PARVA: variants seen among roughly 807,000 people sequenced by gnomAD.
PARVA encodes parvin alpha, also known as alpha-parvin.
Under a neutral mutation model 52.6 loss-of-function variants are expected in PARVA, and 25 were observed. The observed-to-expected ratio is 0.48, with a 90% CI of 0.35 to 0.66. The LOEUF (loss-of-function observed/expected upper bound fraction) is 0.66, where lower values mean the gene tolerates loss of function less well. PARVA is among the 30% of genes least tolerant of loss of function. PARVA has a pLI of 0.01. For missense variants in PARVA, 373 were observed against 450.9 expected (o/e 0.83, Z 1.56); for synonymous variants, 185 against 179.1 (o/e 1.03, Z -0.26).
chr11:12,506,267 A>T (rs1484734351), intron 6 of PARVA, among the ~76,000 whole-genome samples: 1 of 152,182 alleles, frequency 6.6e-6, no homozygotes, highest in African/African-American at 2.4e-5. Context: ...ATTTTTAAAA[A>T]TTATTTTCAT....
chr11:12,377,474 G>A (rs1389071395), upstream of PARVA: 1 of 1,399,278 alleles, frequency 7.1e-7, no homozygotes, highest in Admixed American at 3.4e-5. Flanking sequence ...CGGCGCGAGG[G>A]AGGGAGCGAG....
intron 3 of PARVA, among the ~76,000 whole-genome samples, chr11:12,475,855 C>G (rs981598202): frequency 6.6e-6 from 1 of 152,196 alleles, no homozygotes; most frequent in Non-Finnish European, 1.5e-5. Context: ...GCAGTCTGTG[C>G]TGCATCCATA....
chr11:12,447,383 C>T (rs1940562059), intron 1 of PARVA, among the ~76,000 whole-genome samples: 1 of 152,180 alleles, frequency 6.6e-6, no homozygotes, highest in African/African-American at 2.4e-5. Flanking sequence ...TGGTGTGTAA[C>T]TCACCATGGG....
intron 6 of PARVA, among the ~76,000 whole-genome samples, chr11:12,506,424 T>G (rs1941431990): frequency 6.6e-6 from 1 of 152,196 alleles, no homozygotes; most frequent in East Asian, 1.9e-4. Context: ...TTGAACATCT[T>G]AAGACTTTTC....
chr11:12,404,614 A>G (rs1355887375), intron 1 of PARVA, among the ~76,000 whole-genome samples: 1 of 152,242 alleles, frequency 6.6e-6, no homozygotes, highest in Non-Finnish European at 1.5e-5. Flanking sequence ...CCATGTGCCA[A>G]TAATTAGATG....
At chr11:12,486,593 C>A (rs1941161826) in intron 4 of PARVA, among the ~76,000 whole-genome samples, 1 of 152,052 alleles carries the variant, frequency 6.6e-6, no homozygotes, top group South Asian at 2.1e-4. Context: ...TGCCTGTAAT[C>A]CCAGCACTTT....
At position 12,384,189 on chromosome 11, in the gene PARVA, C is replaced by T. The variant is rs79365616; in HGVS notation, c.136+6406C>T. Among the ~76,000 whole-genome samples, 641 of 152,250 alleles carry T rather than the reference C, an allele frequency of 4.2e-3. 2 individuals are homozygous for T. Among genetic ancestry groups the T allele is most frequent in the African/African-American group, 0.014 (585 of 41,554 alleles). On this transcript the variant is annotated intron_variant, in intron 1 of 12. Transcript: ENST00000334956. ...TTTTTTTGCCACTCTGTCGCCCTGA[C>T]GTTCTGTAAATATGCTTGAGTCTTT...
At chr11:12,481,166 G>GA (rs1219689271) in intron 4 of PARVA, among the ~76,000 whole-genome samples, 2 of 152,114 alleles carry the variant, frequency 1.3e-5, no homozygotes, top group Non-Finnish European at 2.9e-5. Flanking sequence ...CATCCATTTA[G>GA]AATGCATCTG....
intron 4 of PARVA, among the ~76,000 whole-genome samples, chr11:12,487,744 A>G (rs932044572): frequency 6.6e-6 from 1 of 152,242 alleles, no homozygotes; most frequent in African/African-American, 2.4e-5. Context: ...ATTATTCTTT[A>G]TAAATAATAG....
At chr11:12,453,423 T>C (rs939133513) in intron 1 of PARVA, among the ~76,000 whole-genome samples, 1 of 152,132 alleles carries the variant, frequency 6.6e-6, no homozygotes, top group Non-Finnish European at 1.5e-5. Flanking sequence ...AGCCTGCTAC[T>C]TGCTTTTCCT....
intron 4 of PARVA, among the ~76,000 whole-genome samples, chr11:12,484,549 G>A (rs1941133166): frequency 7.7e-6 from 1 of 130,312 alleles, no homozygotes; most frequent in African/African-American, 2.7e-5. Context: ...GTGTGTGTGT[G>A]GTTTTCTTTT....
intron 12 of PARVA, among the ~76,000 whole-genome samples, chr11:12,520,529 T>C (rs1941623297): frequency 6.6e-6 from 1 of 152,234 alleles, no homozygotes; most frequent in South Asian, 2.1e-4. Flanking sequence ...CAAAGCTCTG[T>C]TGTGCCTTGA....
At chr11:12,431,463 C>A (rs375952752) in intron 1 of PARVA, among the ~76,000 whole-genome samples, 50 of 152,282 alleles carry the variant, frequency 3.3e-4, no homozygotes, top group South Asian at 1.5e-3. Flanking sequence ...AAGAACTTAG[C>A]AGCTTAGAAT....
chr11:12,408,516 C>G (rs1420474364), intron 1 of PARVA, among the ~76,000 whole-genome samples: 1 of 152,144 alleles, frequency 6.6e-6, no homozygotes, highest in East Asian at 1.9e-4. Flanking sequence ...TCAGCCAGAC[C>G]CTGTGATGAA....
chr11:12,407,924 T>G (rs1939937066), intron 1 of PARVA, among the ~76,000 whole-genome samples: 1 of 152,220 alleles, frequency 6.6e-6, no homozygotes, highest in Admixed American at 6.5e-5. Context: ...AACACAGGCT[T>G]CTCTGTTGTT....
chr11:12,485,971 C>T (rs989446572), intron 4 of PARVA, among the ~76,000 whole-genome samples: 10 of 152,204 alleles, frequency 6.6e-5, no homozygotes, highest in East Asian at 3.9e-4. Context: ...GAACAGAGGA[C>T]GCTAAGGAGA....
chr11:12,416,411 A>G (rs11022349), intron 1 of PARVA, among the ~76,000 whole-genome samples: 21,718 of 152,164 alleles, frequency 0.14, 2,086 homozygotes, highest in East Asian at 0.31. Context: ...CCAAAAACTA[A>G]TGGATCATTT....
chr11:12,444,057 G>A (rs748337079), intron 1 of PARVA, among the ~76,000 whole-genome samples: 10 of 152,166 alleles, frequency 6.6e-5, no homozygotes, highest in African/African-American at 2.2e-4. Flanking sequence ...ACCATGTGGT[G>A]GCTTCAGGGA....
At chr11:12,393,143 T>C (rs1456473853) in intron 1 of PARVA, among the ~76,000 whole-genome samples, 1 of 151,514 alleles carries the variant, frequency 6.6e-6, no homozygotes, top group Non-Finnish European at 1.5e-5. Context: ...TGATGTACCA[T>C]TATTTTTCAA....
Sources: gnomAD v4.1 joint callset for allele counts (sites outside exome capture counted in the v4.1 genomes callset) on GRCh38, gnomAD v4.1.1 for gene constraint, MANE v1.5 for transcripts, NCBI Gene and HGNC (gene_info 2026-07-23, HGNC 2026-07-21) for gene names.